The following CACNA2D1 variants were observed in gnomAD, a reference collection of about 807,000 sequenced individuals.
CACNA2D1 encodes voltage-dependent calcium channel subunit alpha-2/delta-1.
A neutral mutation model predicts 171.5 loss-of-function variants in CACNA2D1; 53 were observed. The observed-to-expected ratio is 0.31, with a 90% CI of 0.25 to 0.39. The LOEUF is 0.39. CACNA2D1 is among the 10% of genes least tolerant of loss of function. The pLI, the probability that CACNA2D1 is intolerant of heterozygous loss-of-function variation, is 1.00. For missense variants in CACNA2D1, 903 were observed against 1,299.8 expected, an observed-to-expected ratio of 0.69 and a Z score of 4.69; for synonymous variants, 442 against 443.1, an observed-to-expected ratio of 1.00 and a Z score of 0.03.
In CACNA2D1 at chr7:82,138,426, G is replaced by GTTTTTTTTTT. The variant is rs1159205363; in HGVS notation, c.355-1751_355-1750insAAAAAAAAAA. On this transcript the variant is annotated intron_variant, in intron 4 of 38. Transcript: ENST00000356860. ...TCCTGAAACATTTCTTATAGCATTA[G>GTTTTTTTTTT]TTTTGTTTTTTTTGTTTTTTTTGTT... Among the ~76,000 whole-genome samples the GTTTTTTTTTT allele has an allele frequency of 3.9e-5, 4 of 101,314 alleles. 1 individual carries two copies. The highest frequency in any genetic ancestry group is 4.0e-5 in the Non-Finnish European group (2 of 49,788). The allele number at this position is 101,314 out of a possible 152,430, so 66.5% of individuals were successfully genotyped here.
chr7:81,959,897 A>T, intron 36 of CACNA2D1, 68 bp from the exon 37 acceptor site: 1 of 1,546,910 alleles, frequency 6.5e-7, no homozygotes, highest in Non-Finnish European at 8.7e-7. Context: ...TCTTTCAAAG[A>T]TTCTTACATA....
chr7:82,270,002 G>A (rs1201579207), intron 3 of CACNA2D1, among the ~76,000 whole-genome samples: 1 of 152,096 alleles, frequency 6.6e-6, no homozygotes, highest in Non-Finnish European at 1.5e-5. Context: ...GATACAAAGA[G>A]AATACAAGAA....
intron 34 of CACNA2D1, among the ~76,000 whole-genome samples, chr7:81,963,420 T>C (rs908558990): frequency 2.8e-4 from 40 of 143,566 alleles, no homozygotes; most frequent in African/African-American, 1.0e-3. Context: ...TAACAGGAGG[T>C]TTAGTTACAA....
intron 1 of CACNA2D1, among the ~76,000 whole-genome samples, chr7:82,411,745 TG>T (rs1223477007): frequency 6.6e-6 from 1 of 152,118 alleles, no homozygotes; most frequent in Non-Finnish European, 1.5e-5. Flanking sequence ...CAGTCTTCAC[TG>T]GAGACACTTC....
intron 10 of CACNA2D1, among the ~76,000 whole-genome samples, chr7:82,060,201 T>TATATATATAA (rs747843223): frequency 1.4e-3 from 15 of 10,422 alleles, no homozygotes; most frequent in African/African-American, 2.7e-3. Flanking sequence ...TATATATATA[T>TATATATATAA]TATATATATA....
Position 82,396,732 on chromosome 7 carries a change from A to G in CACNA2D1, c.95+46633T>C, listed in dbSNP as rs189183266. Among the ~76,000 whole-genome samples the G allele has an allele frequency of 4.6e-5, 7 of 152,344 alleles. No individual in the cohort carries two copies. In the East Asian group the frequency reaches 1.2e-3, roughly 25 times the overall value. ...ATATCCAAATAATGAAGGAAATCTA[A>G]CTATAATGAAACCAAGGCCTAAATT... On this transcript the variant is annotated intron_variant, in intron 1 of 38. Coordinates refer to ENST00000356860, the MANE Select transcript of CACNA2D1 (RefSeq NM_000722.4).
chr7:82,138,173 GC>G (rs538821621), intron 4 of CACNA2D1, among the ~76,000 whole-genome samples: 35 of 151,512 alleles, frequency 2.3e-4, no homozygotes, highest in African/African-American at 8.2e-4. Context: ...ACAGAAATCT[GC>G]CTGTTTTTGT....
At chr7:82,129,764 T>C (rs775832289) in intron 5 of CACNA2D1, among the ~76,000 whole-genome samples, 24 of 152,230 alleles carry the variant, frequency 1.6e-4, no homozygotes, top group Non-Finnish European at 2.9e-4. Flanking sequence ...GATTTTACTT[T>C]ATTAGTCTTA....
intron 1 of CACNA2D1, among the ~76,000 whole-genome samples, chr7:82,365,836 T>C (rs143735760): frequency 2.2e-4 from 33 of 152,362 alleles, no homozygotes; most frequent in African/African-American, 7.9e-4. Flanking sequence ...CCTGAACTTA[T>C]ATTGCACAAT....
Position 81,995,798 on chromosome 7 carries a change from C to CA in CACNA2D1, c.1663-860dup, listed in dbSNP as rs59979323. On this transcript the variant is annotated intron_variant, in intron 19 of 38. Transcript: ENST00000356860. ...TGGGCGACAGAGCGAGACTCCACCT[C>CA]AAAAAAAAAAAAAAAAAAAAGTGCA... Among the ~76,000 whole-genome samples the CA allele has an allele frequency of 5.1e-3, 516 of 101,406 alleles. 2 individuals are homozygous for CA. Among genetic ancestry groups the CA allele is most frequent in the South Asian group, 0.033 (104 of 3,144 alleles). The allele number at this position is 101,406 out of a possible 152,430, so 66.5% of individuals were successfully genotyped here.
chr7:82,165,688 T>G (rs541281157), intron 4 of CACNA2D1, among the ~76,000 whole-genome samples: 70 of 152,088 alleles, frequency 4.6e-4, no homozygotes, highest in Non-Finnish European at 8.4e-4. Context: ...AGCTTTGCAT[T>G]ATGGCTTTTA....
At chr7:82,076,692 T>G (rs957709908) in intron 7 of CACNA2D1, among the ~76,000 whole-genome samples, 1 of 152,162 alleles carries the variant, frequency 6.6e-6, no homozygotes, top group Non-Finnish European at 1.5e-5. Flanking sequence ...CTTTAATCAT[T>G]GCATTACAGT....
At chr7:82,254,431 C>T (rs1209177506) in intron 3 of CACNA2D1, among the ~76,000 whole-genome samples, 1 of 151,856 alleles carries the variant, frequency 6.6e-6, no homozygotes, top group Non-Finnish European at 1.5e-5. Flanking sequence ...AAAAACTGTA[C>T]ATATTCAAGG....
intron 12 of CACNA2D1, among the ~76,000 whole-genome samples, chr7:82,020,276 G>A (rs1478617297): frequency 6.6e-6 from 1 of 152,116 alleles, no homozygotes; most frequent in Non-Finnish European, 1.5e-5. Flanking sequence ...GAAAGACACA[G>A]ACAAATGGCC....
chr7:81,962,845 A>G (rs1794304417), intron 34 of CACNA2D1, among the ~76,000 whole-genome samples: 1 of 152,082 alleles, frequency 6.6e-6, no homozygotes, highest in South Asian at 2.1e-4. Context: ...TTTAGTTTTT[A>G]AAACCATTTG....
rs530040333 is a variant in CACNA2D1, at chr7:81,962,033, C to T, written c.2837-10G>A. 1.2e-5 allele frequency: 19 copies of T among 1,611,750 alleles called. No individual in the cohort carries two copies. Among genetic ancestry groups the T allele is most frequent in the South Asian group, 3.3e-5 (3 of 91,008 alleles). ...TCATCCTCCATCTCAACTTGGGTGG[C>T]GGGGGACGGTGTAAAAACAAAGAAC... On this transcript the variant is annotated splice_polypyrimidine_tract_variant and intron_variant, in intron 35 of 38. Coordinates refer to ENST00000356860, the MANE Select transcript of CACNA2D1 (RefSeq NM_000722.4).
chr7:82,094,012 A>C (rs1361436163), intron 6 of CACNA2D1, among the ~76,000 whole-genome samples: 1 of 152,164 alleles, frequency 6.6e-6, no homozygotes, highest in African/African-American at 2.4e-5. Flanking sequence ...GACTAATGAG[A>C]TATGGTTGAA....
chr7:81,953,027 C>G (rs550237416), intron 38 of CACNA2D1, among the ~76,000 whole-genome samples: 1 of 151,970 alleles, frequency 6.6e-6, no homozygotes, highest in Non-Finnish European at 1.5e-5. Flanking sequence ...GTAGCTGGGA[C>G]TATAGATGTG....
intron 24 of CACNA2D1, among the ~76,000 whole-genome samples, chr7:81,977,666 G>A (rs1795989542): frequency 6.6e-6 from 1 of 152,136 alleles, no homozygotes; most frequent in Non-Finnish European, 1.5e-5. Flanking sequence ...ATACCATTCA[G>A]GGCATAGGCA....
Sources: gnomAD v4.1 joint callset for allele counts (sites outside exome capture counted in the v4.1 genomes callset) on GRCh38, gnomAD v4.1.1 for gene constraint, MANE v1.5 for transcripts, NCBI Gene and HGNC (gene_info 2026-07-23, HGNC 2026-07-21) for gene names.